Variants in DENND1B observed in about 807,000 individuals in gnomAD.
DENND1B encodes DENN domain-containing protein 1B.
A neutral mutation model predicts 90.1 loss-of-function variants in DENND1B; 59 were observed. The observed-to-expected ratio is 0.65, with a 90% CI of 0.53 to 0.81. The LOEUF is 0.81. DENND1B is among the 40% of genes least tolerant of loss of function. The pLI is 0.00. For missense variants in DENND1B, 862 were observed against 912.6 expected (o/e 0.94, Z 0.71); for synonymous variants, 337 against 324.6 (o/e 1.04, Z -0.41).
intron 20 of DENND1B, among the ~76,000 whole-genome samples, chr1:197,520,257 A>G (rs531980883): frequency 8.5e-5 from 13 of 152,114 alleles, no homozygotes; most frequent in Non-Finnish European, 1.6e-4. Flanking sequence ...GTGAAGCATA[A>G]CAAAATAAAT....
chr1:197,670,088 T>G (rs1196189176), intron 5 of DENND1B, among the ~76,000 whole-genome samples: 3 of 138,344 alleles, frequency 2.2e-5, no homozygotes, highest in African/African-American at 8.0e-5. Flanking sequence ...GGACATTATA[T>G]TATTCTTTCA....
intron 15 of DENND1B, among the ~76,000 whole-genome samples, chr1:197,560,250 G>A (rs999645542): frequency 7.2e-5 from 11 of 151,796 alleles, no homozygotes; most frequent in African/African-American, 1.7e-4. Flanking sequence ...GGAATATTTC[G>A]CTGAATATAT....
chr1:197,699,995 T>A (rs777378258), intron 3 of DENND1B, among the ~76,000 whole-genome samples: 1 of 152,090 alleles, frequency 6.6e-6, no homozygotes, highest in Non-Finnish European at 1.5e-5. Flanking sequence ...TCCATCCTCA[T>A]GAATAGGAAG....
intron 10 of DENND1B, among the ~76,000 whole-genome samples, chr1:197,637,623 T>A (rs1041438542): frequency 6.6e-6 from 1 of 152,180 alleles, no homozygotes; most frequent in African/African-American, 2.4e-5. Flanking sequence ...CCAGTCATAT[T>A]CACTTAGCAC....
At chr1:197,675,504 C>A (rs1424849473) in intron 3 of DENND1B, among the ~76,000 whole-genome samples, 2 of 151,046 alleles carry the variant, frequency 1.3e-5, no homozygotes, top group Non-Finnish European at 2.9e-5. Context: ...TAATCATGTA[C>A]CTTTAAAAAT....
intron 3 of DENND1B, among the ~76,000 whole-genome samples, chr1:197,700,693 TC>T (rs1262664175): frequency 8.5e-5 from 13 of 152,222 alleles, no homozygotes; most frequent in African/African-American, 3.1e-4. Flanking sequence ...AATCCACCTA[TC>T]TGGCAAACGT....
chr1:197,756,967 C>CCATAT (rs1307629671), intron 2 of DENND1B, among the ~76,000 whole-genome samples: 1 of 149,950 alleles, frequency 6.7e-6, no homozygotes, highest in African/African-American at 2.4e-5. Flanking sequence ...TGACACTATG[C>CCATAT]CATTATATGT....
intron 5 of DENND1B, among the ~76,000 whole-genome samples, chr1:197,667,782 A>G (rs1265865342): frequency 6.6e-6 from 1 of 152,172 alleles, no homozygotes; most frequent in Non-Finnish European, 1.5e-5. Flanking sequence ...CTAGTAAGAT[A>G]ATTTCCCATC....
chr1:197,550,097 T>C (rs1671104283), intron 16 of DENND1B, among the ~76,000 whole-genome samples: 1 of 152,152 alleles, frequency 6.6e-6, no homozygotes, highest in East Asian at 1.9e-4. Flanking sequence ...TTCCTAATTA[T>C]TGTTGCTTAA....
At chr1:197,707,887 G>A (rs1434372334) in intron 3 of DENND1B, among the ~76,000 whole-genome samples, 33 of 149,790 alleles carry the variant, frequency 2.2e-4, no homozygotes, top group Middle Eastern at 3.5e-3. Flanking sequence ...TGCGCGAGCC[G>A]AAGCAGGGCG....
intron 2 of DENND1B, among the ~76,000 whole-genome samples, chr1:197,754,659 C>CAAAAAAAAAAAAAAAA (rs57926782): frequency 1.5e-4 from 11 of 72,892 alleles, no homozygotes; most frequent in East Asian, 7.7e-4. Flanking sequence ...GACTCTGTCT[C>CAAAAAAAAAAAAAAAA]AAAAAAAAAA....
intron 20 of DENND1B, among the ~76,000 whole-genome samples, chr1:197,524,470 A>G (rs971814923): frequency 2.0e-5 from 3 of 152,146 alleles, no homozygotes; most frequent in Admixed American, 2.0e-4. Context: ...CACTGTTCTG[A>G]TCCTGATCTC....
intron 20 of DENND1B, among the ~76,000 whole-genome samples, chr1:197,514,238 T>A (rs1280352700): frequency 1.3e-5 from 2 of 151,696 alleles, no homozygotes; most frequent in East Asian, 3.9e-4. Context: ...CTTTACCTTA[T>A]CAACTATTTG....
intron 2 of DENND1B, 78 bp downstream of exon 2, chr1:197,772,790 A>C: frequency 3.1e-6 from 4 of 1,291,664 alleles, no homozygotes; most frequent in East Asian, 2.5e-5. Context: ...ATGCCACTGC[A>C]CAGCCTGAGG....
chr1:197,548,028 G>A (rs1250522861), intron 16 of DENND1B, among the ~76,000 whole-genome samples: 1 of 152,134 alleles, frequency 6.6e-6, no homozygotes, highest in Non-Finnish European at 1.5e-5. Context: ...GTAAGAAAGT[G>A]GAAGAAGAAA....
chr1:197,529,349 T>C (rs1055214208), intron 20 of DENND1B, among the ~76,000 whole-genome samples: 15 of 150,012 alleles, frequency 1.0e-4, no homozygotes, highest in South Asian at 2.1e-4. Context: ...TGTGTGTGTG[T>C]GCACGCGCGC....
chr1:197,608,835 G>A (rs927553097), intron 12 of DENND1B, among the ~76,000 whole-genome samples: 1 of 150,388 alleles, frequency 6.6e-6, no homozygotes, highest in African/African-American at 2.4e-5. Flanking sequence ...TCTGGTAATT[G>A]CTGAATATTA....
chr1:197,621,779 G>C (rs899636576), intron 10 of DENND1B, among the ~76,000 whole-genome samples: 15 of 151,162 alleles, frequency 9.9e-5, no homozygotes, highest in Non-Finnish European at 3.0e-5. Flanking sequence ...CATATCTCTG[G>C]CATTATACCC....
intron 13 of DENND1B, chr1:197,606,084 A>G (rs1050463510): frequency 1.1e-4 from 16 of 151,148 alleles, no homozygotes; most frequent in African/African-American, 3.1e-4. Context: ...AAAGGAAGTT[A>G]TTTTAACTTA....
Sources: allele counts gnomAD v4.1 joint callset (sites outside exome capture counted in the v4.1 genomes callset), GRCh38; gene constraint gnomAD v4.1.1; transcripts MANE v1.5; gene names NCBI Gene and HGNC (gene_info 2026-07-23, HGNC 2026-07-21).